AMZ2: variants seen among roughly 807,000 people sequenced by gnomAD.
AMZ2 encodes the protein archaelysin family metallopeptidase 2, also known as archaemetzincin-2.
AMZ2 carries 26 observed loss-of-function variants against 36.7 expected under a neutral mutation model. The observed-to-expected ratio is 0.71, with a 90% CI of 0.52 to 0.98. The LOEUF is 0.98. Ranked by LOEUF, AMZ2 falls within the 50% of genes least tolerant of loss-of-function variation. The pLI, the probability that AMZ2 is intolerant of heterozygous loss-of-function variation, is 0.00. For synonymous variants in AMZ2, 144 were observed against 149.1 expected, an observed-to-expected ratio of 0.97 and a Z score of 0.25; for missense variants, 394 against 430.5, an observed-to-expected ratio of 0.92 and a Z score of 0.75.
intron 1 of AMZ2, among the ~76,000 whole-genome samples, chr17:68,229,298 C>G (rs1342148342): frequency 1.3e-5 from 2 of 152,114 alleles, no homozygotes; most frequent in African/African-American, 4.8e-5. Context: ...GCTGAACAGA[C>G]ACAGGCGAGC....
intron 1 of AMZ2, among the ~76,000 whole-genome samples, chr17:68,225,121 G>A (rs2073481893): frequency 6.6e-6 from 1 of 152,140 alleles, no homozygotes; most frequent in Non-Finnish European, 1.5e-5. Flanking sequence ...GAACTTGGGA[G>A]GTGGAGGTTG....
intron 1 of AMZ2, among the ~76,000 whole-genome samples, chr17:68,221,221 C>CT (rs1568348144): frequency 1.0e-5 from 1 of 98,074 alleles, no homozygotes; most frequent in Non-Finnish European, 2.1e-5. Flanking sequence ...CCCCCCCCGC[C>CT]CCCCCGGTAG....
At chr17:68,256,717 A>G in intron 6 of AMZ2, 97 bp from the exon 7 acceptor site, 4 of 1,229,874 alleles carry the variant, frequency 3.3e-6, no homozygotes, top group Non-Finnish European at 4.5e-6. Context: ...TTCATGGGGT[A>G]ATATGTCACC....
chr17:68,254,590 C>T, intron 5 of AMZ2, 23 bp downstream of exon 5: 1 of 1,580,982 alleles, frequency 6.3e-7, no homozygotes, highest in Admixed American at 1.7e-5. Context: ...AAAAATCTGA[C>T]AGGACAGTTC....
intron 1 of AMZ2, among the ~76,000 whole-genome samples, chr17:68,209,126 T>G (rs34593162): frequency 6.6e-6 from 1 of 151,940 alleles, no homozygotes; most frequent in Non-Finnish European, 1.5e-5. Context: ...AGGAATGAAT[T>G]CAGTGTCAGA....
chr17:68,211,949 A>G (rs1287014091), intron 1 of AMZ2, among the ~76,000 whole-genome samples: 3 of 151,418 alleles, frequency 2.0e-5, no homozygotes, highest in Non-Finnish European at 4.4e-5. Flanking sequence ...AACTGATACT[A>G]TATTATCATA....
chr17:68,219,818 G>C (rs1431608155), intron 1 of AMZ2, among the ~76,000 whole-genome samples: 2 of 151,914 alleles, frequency 1.3e-5, no homozygotes, highest in South Asian at 2.1e-4. Flanking sequence ...GTAGGCATGA[G>C]CCACCTCGCC....
intron 1 of AMZ2, chr17:68,249,803 T>C (rs2144710979): frequency 4.7e-6 from 1 of 213,264 alleles, no homozygotes; most frequent in Middle Eastern, 2.0e-3. Context: ...TGCACAACTA[T>C]GCCCAGGGAA....
At chr17:68,206,363 G>A in intron 1 of AMZ2, 1 of 1,037,876 alleles carries the variant, frequency 9.6e-7, no homozygotes, top group Non-Finnish European at 1.2e-6. Flanking sequence ...CCAAACAGAG[G>A]GGAAATGCGA....
At chr17:68,245,766 G>A (rs1304741487), upstream of AMZ2, among the ~76,000 whole-genome samples, 49 of 152,136 alleles carry the variant, frequency 3.2e-4, no homozygotes, top group African/African-American at 1.1e-3. Context: ...CAAGCATCTC[G>A]CAGTTGAGTA....
chr17:68,247,420 C>G (rs1555736125), upstream of AMZ2: 1 of 152,988 alleles, frequency 6.5e-6, no homozygotes, highest in East Asian at 1.9e-4. Flanking sequence ...CCAGAGGGTA[C>G]AGAGCTAGCT....
chr17:68,230,552 A>G (rs1472510194), intron 1 of AMZ2, among the ~76,000 whole-genome samples: 3 of 152,266 alleles, frequency 2.0e-5, no homozygotes, highest in African/African-American at 7.2e-5. Context: ...CTACCACTGT[A>G]ACAGATGACT....
intron 1 of AMZ2, among the ~76,000 whole-genome samples, chr17:68,216,354 G>A (rs181883201): frequency 1.3e-5 from 2 of 152,126 alleles, no homozygotes; most frequent in Admixed American, 1.3e-4. Flanking sequence ...GGCTGGTCTC[G>A]AACTCCTGGG....
chr17:68,209,594 GTGTGTGTGTGTATA>G (rs2072958686), intron 1 of AMZ2, among the ~76,000 whole-genome samples: 4 of 101,602 alleles, frequency 3.9e-5, no homozygotes, highest in African/African-American at 1.4e-4. Flanking sequence ...GTGTGTGTGT[GTGTGTGTGTGTATA>G]TGTATATATA....
intron 1 of AMZ2, among the ~76,000 whole-genome samples, chr17:68,224,079 T>TG (rs1568350937): frequency 6.6e-6 from 1 of 151,820 alleles, no homozygotes; most frequent in African/African-American, 2.4e-5. Context: ...TTAGTAGAGA[T>TG]GGGGTTTCAC....
intron 1 of AMZ2, among the ~76,000 whole-genome samples, chr17:68,210,876 G>C (rs1487372962): frequency 6.7e-6 from 1 of 149,458 alleles, no homozygotes; most frequent in African/African-American, 2.5e-5. Context: ...TGAGCCCAAG[G>C]AGGTTGAGGC....
intron 1 of AMZ2, among the ~76,000 whole-genome samples, chr17:68,208,638 G>A (rs1258105125): frequency 2.0e-5 from 3 of 152,184 alleles, no homozygotes; most frequent in Admixed American, 6.5e-5. Flanking sequence ...CCACATTGTG[G>A]AAGCTTTGTT....
rs782397512 is a variant in AMZ2 at position 68,255,886 on chromosome 17, G to A, written c.927+10G>A. 6.2e-7 allele frequency: 1 copy of A among 1,613,620 alleles called. No individual in the cohort carries two copies. The highest frequency in any genetic ancestry group is 8.5e-7 in the Non-Finnish European group (1 of 1,179,664). On this transcript the variant is annotated intron_variant, in intron 6 of 6. Transcript: ENST00000359904. The stretch of plus-strand genomic sequence containing the variant: ...TGTAGAAAGATACAAAGTAAGTTGG[G>A]GGGTGGACAGTCTAAAGAGGGGGAA...
intron 1 of AMZ2, among the ~76,000 whole-genome samples, chr17:68,234,890 C>T (rs1397979965): frequency 6.6e-6 from 1 of 152,080 alleles, no homozygotes; most frequent in Non-Finnish European, 1.5e-5. Context: ...CGGCGGGTGC[C>T]TGTAATCCCA....
Sources: allele counts gnomAD v4.1 joint callset (sites outside exome capture counted in the v4.1 genomes callset), GRCh38; gene constraint gnomAD v4.1.1; transcripts MANE v1.5; gene names NCBI Gene and HGNC (gene_info 2026-07-23, HGNC 2026-07-21).